Variants in STK32A observed in about 807,000 individuals in gnomAD.
STK32A encodes serine/threonine-protein kinase 32A.
In STK32A, 41 loss-of-function variants were observed where a neutral mutation model predicts 53.2. The observed-to-expected ratio is 0.77, with a 90% CI of 0.60 to 1.00. The LOEUF is 1.00. STK32A is among the 50% of genes least tolerant of loss of function. The pLI is 0.00. For missense variants in STK32A, 458 were observed against 485.8 expected (o/e 0.94, Z 0.54); for synonymous variants, 166 against 162.8 (o/e 1.02, Z -0.15).
Position 147,375,222 on chromosome 5 carries a change from A to G in STK32A, c.1032+4A>G. 3.1e-6 allele frequency: 5 copies of G among 1,610,142 alleles called. No individual in the cohort carries two copies. Among genetic ancestry groups the G allele is most frequent in the Non-Finnish European group, 4.2e-6 (5 of 1,178,318 alleles). ...GAGGAAATGCGATTCTTCTCAGGTA[A>G]GCAGGTCCCCACCAAACTCAGGGTC... On this transcript the variant is annotated splice_donor_region_variant and intron_variant, in intron 11 of 12. Transcript: ENST00000397936.
At chr5:147,328,750 A>G (rs889894065) in intron 5 of STK32A, among the ~76,000 whole-genome samples, 1 of 152,148 alleles carries the variant, frequency 6.6e-6, no homozygotes, top group African/African-American at 2.4e-5. Context: ...GTACTATTCT[A>G]TTTGTTGATT....
At chr5:147,318,278 A>G (rs1384332007) in intron 4 of STK32A, among the ~76,000 whole-genome samples, 2 of 152,214 alleles carry the variant, frequency 1.3e-5, no homozygotes, top group African/African-American at 4.8e-5. Flanking sequence ...ATGCAAAGAA[A>G]AAAAGAATAT....
chr5:147,291,981 G>A (rs185276711), intron 4 of STK32A, among the ~76,000 whole-genome samples: 10 of 152,286 alleles, frequency 6.6e-5, no homozygotes, highest in Admixed American at 2.0e-4. Context: ...ACTTTTAAAA[G>A]CCTCTCTAAA....
chr5:147,253,115 T>C (rs1299576179), intron 2 of STK32A, among the ~76,000 whole-genome samples: 1 of 152,234 alleles, frequency 6.6e-6, no homozygotes, highest in Non-Finnish European at 1.5e-5. Context: ...TGCTTAAATA[T>C]ACATACCATT....
downstream of STK32A, chr5:147,391,786 G>A (rs1419110244): frequency 2.0e-5 from 3 of 152,194 alleles, no homozygotes; most frequent in East Asian, 5.8e-4. Context: ...CTGAGCTCAT[G>A]TTGTTCCTCC....
In STK32A at chr5:147,375,213, T is replaced by C; in HGVS notation, c.1027T>C (p.Ser343Pro). The stretch of plus-strand genomic sequence containing the variant: ...GAAGGATATGAGGAAATGCGATTCT[T>C]CTCAGGTAAGCAGGTCCCCACCAAA... ...KEKDMRKCDS[S>P]QTCLLQEHLD... Residue 343 changes from serine (S) to proline (P), a missense_variant, in exon 11 of 13, where the codon TCT (serine) becomes CCT (proline). Transcript: ENST00000397936. 1 of 1,610,776 alleles carries C rather than the reference T, an allele frequency of 6.2e-7. No homozygotes were observed. Among genetic ancestry groups the C allele is most frequent in the Non-Finnish European group, 8.5e-7 (1 of 1,178,526 alleles).
At chr5:147,289,060 T>C (rs1057407243) in intron 4 of STK32A, among the ~76,000 whole-genome samples, 1 of 152,118 alleles carries the variant, frequency 6.6e-6, no homozygotes, top group African/African-American at 2.4e-5. Flanking sequence ...AAAGGACAAA[T>C]CTAAATGGTG....
rs3064294 is a variant in STK32A, at chr5:147,317,323, C to CTTTTTTTT, written c.261-6558_261-6551dup. On this transcript the variant is annotated intron_variant, in intron 4 of 12. Transcript: ENST00000397936. Reference sequence around the variant, plus strand: ...TTAGGGTCTTTTTTTCTTTTTCTTTCTTTTTTTTTTTTTTTTTTTTTTTTG... The same window carrying CTTTTTTTT: ...TTAGGGTCTTTTTTTCTTTTTCTTTCTTTTTTTTTTTTTTTTTTTTTTTTTTTTTTTTG... Among the ~76,000 whole-genome samples the CTTTTTTTT allele has an allele frequency of 1.7e-3, 141 of 81,310 alleles. 3 individuals carry two copies. Among genetic ancestry groups the CTTTTTTTT allele is most frequent in the African/African-American group, 3.2e-3 (64 of 20,078 alleles). The allele number at this position is 81,310 out of a possible 152,430, so 53.3% of individuals were successfully genotyped here.
intron 8 of STK32A, among the ~76,000 whole-genome samples, chr5:147,366,266 C>T (rs1408178228): frequency 6.6e-6 from 1 of 152,122 alleles, no homozygotes; most frequent in African/African-American, 2.4e-5. Context: ...ACCTCTTGTT[C>T]CTTCGCCTAT....
chr5:147,306,073 A>T (rs577736223), intron 4 of STK32A, among the ~76,000 whole-genome samples: 1 of 152,058 alleles, frequency 6.6e-6, no homozygotes, highest in Non-Finnish European at 1.5e-5. Context: ...CACATCCGCA[A>T]TGTATGAAAA....
At chr5:147,348,345 T>A (rs1015779389) in intron 6 of STK32A, among the ~76,000 whole-genome samples, 3 of 152,204 alleles carry the variant, frequency 2.0e-5, no homozygotes, top group African/African-American at 7.2e-5. Context: ...CAGGCCCTCT[T>A]TTAAAAATGT....
At chr5:147,395,609 C>T in the STK32A span, 11 of 1,613,932 alleles carry the variant, frequency 6.8e-6, no homozygotes, top group Middle Eastern at 1.7e-4. Flanking sequence ...TGGGTTCGGC[C>T]GAGTAGGAGA....
intron 11 of STK32A, among the ~76,000 whole-genome samples, chr5:147,379,269 T>A (rs1429252355): frequency 6.6e-6 from 1 of 152,018 alleles, no homozygotes; most frequent in Non-Finnish European, 1.5e-5. Flanking sequence ...TGCACATTCA[T>A]TTTATATCCT....
chr5:147,252,113 C>A (rs1178652825), intron 2 of STK32A, among the ~76,000 whole-genome samples: 1 of 152,034 alleles, frequency 6.6e-6, no homozygotes, highest in African/African-American at 2.4e-5. Context: ...CACCACTGCA[C>A]ACTAGCCTGG....
At chr5:147,243,584 A>T (rs1580976941) in intron 2 of STK32A, among the ~76,000 whole-genome samples, 1 of 54,722 alleles carries the variant, frequency 1.8e-5, no homozygotes, top group Non-Finnish European at 4.2e-5. Flanking sequence ...TAAAAAATAC[A>T]AAAAAAATTA....
chr5:147,251,749 C>T (rs1754009499), intron 2 of STK32A, among the ~76,000 whole-genome samples: 1 of 149,124 alleles, frequency 6.7e-6, no homozygotes, highest in Non-Finnish European at 1.5e-5. Context: ...ATGCCTTAGA[C>T]CACATTATTA....
At chr5:147,394,443 C>A in the STK32A span, among the ~76,000 whole-genome samples, 2 of 152,154 alleles carry the variant, frequency 1.3e-5, no homozygotes, top group African/African-American at 4.8e-5. Context: ...CGTGCTTAAC[C>A]ATTATCTCCT....
intron 2 of STK32A, among the ~76,000 whole-genome samples, chr5:147,251,075 AT>A (rs528123891): frequency 1.3e-5 from 2 of 152,094 alleles, no homozygotes; most frequent in South Asian, 2.1e-4. Flanking sequence ...AATATAATGG[AT>A]TTTTTTAAGA....
intron 2 of STK32A, among the ~76,000 whole-genome samples, chr5:147,260,766 G>T (rs1413240160): frequency 6.6e-6 from 1 of 152,158 alleles, no homozygotes; most frequent in African/African-American, 2.4e-5. Flanking sequence ...GCCCATGGCG[G>T]GATACGCCCT....
Sources: allele counts gnomAD v4.1 joint callset (sites outside exome capture counted in the v4.1 genomes callset), GRCh38; gene constraint gnomAD v4.1.1; transcripts MANE v1.5; gene names NCBI Gene and HGNC (gene_info 2026-07-23, HGNC 2026-07-21).